FTCDNL1: variants seen among roughly 807,000 people sequenced by gnomAD.
FTCDNL1 encodes the protein formiminotransferase cyclodeaminase N-terminal like.
A neutral mutation model predicts 5.9 loss-of-function variants in FTCDNL1; 11 were observed. That is an observed-to-expected ratio of 1.87 (90% CI 1.18 to 3.10). The LOEUF is 3.10. Among genes scored for constraint, FTCDNL1 ranks in the 30% most tolerant of loss-of-function variants. The probability of loss-of-function intolerance (pLI) is 0.00; values close to 1 mark genes in which losing one functional copy is unlikely to be tolerated. For synonymous variants in FTCDNL1, 58 were observed against 24.8 expected (o/e 2.34, Z -3.99); for missense variants, 115 against 65.5 (o/e 1.76, Z -2.61).
chr2:199,758,002 G>A (rs1282680238), downstream of FTCDNL1, among the ~76,000 whole-genome samples: 1 of 152,090 alleles, frequency 6.6e-6, no homozygotes, highest in Non-Finnish European at 1.5e-5. Flanking sequence ...AAGGGGGCTG[G>A]GGAAGTCTCC....
chr2:199,817,197 T>C (rs1348729492), intron 4 of FTCDNL1, among the ~76,000 whole-genome samples: 1 of 152,250 alleles, frequency 6.6e-6, no homozygotes, highest in Non-Finnish European at 1.5e-5. Context: ...CCTTTTACTA[T>C]TTCCTTAGGA....
At chr2:199,668,149 A>T in the FTCDNL1 span, among the ~76,000 whole-genome samples, 30 of 152,308 alleles carry the variant, frequency 2.0e-4, no homozygotes, top group African/African-American at 6.5e-4. Flanking sequence ...CATTGTATTC[A>T]CAGTGCCAGA....
chr2:199,783,945 GGATTCAA>G (rs1459440959), intron 3 of FTCDNL1, among the ~76,000 whole-genome samples: 1 of 152,050 alleles, frequency 6.6e-6, no homozygotes, highest in African/African-American at 2.4e-5. Flanking sequence ...AGGAATTTGG[GGATTCAA>G]GATTCAAGAT....
At chr2:199,686,631 T>C in the FTCDNL1 span, among the ~76,000 whole-genome samples, 1 of 152,318 alleles carries the variant, frequency 6.6e-6, no homozygotes, top group Admixed American at 6.5e-5. Flanking sequence ...AGTATGCTTT[T>C]GATATACAGA....
the FTCDNL1 span, among the ~76,000 whole-genome samples, chr2:199,700,810 G>T: frequency 6.6e-6 from 1 of 152,134 alleles, no homozygotes; most frequent in East Asian, 1.9e-4. Context: ...TTCAGTAAGT[G>T]GTGCTGGGAT....
the FTCDNL1 span, among the ~76,000 whole-genome samples, chr2:199,718,088 TA>T: frequency 2.3e-4 from 35 of 152,116 alleles, no homozygotes; most frequent in African/African-American, 8.4e-4. Flanking sequence ...TGTATAGATT[TA>T]GGGGTACCAG....
At chr2:199,830,071 T>C (rs377111459) in intron 3 of FTCDNL1, among the ~76,000 whole-genome samples, 1 of 152,062 alleles carries the variant, frequency 6.6e-6, no homozygotes, top group African/African-American at 2.4e-5. Context: ...AATCTAAAAA[T>C]TAAACTGGGT....
chr2:199,736,493 C>T, the FTCDNL1 span, among the ~76,000 whole-genome samples: 7 of 152,194 alleles, frequency 4.6e-5, no homozygotes, highest in African/African-American at 1.7e-4. Flanking sequence ...TCTTCTCAAA[C>T]GCTACCTGCA....
chr2:199,754,818 C>T, the FTCDNL1 span, among the ~76,000 whole-genome samples: 19 of 152,272 alleles, frequency 1.2e-4, no homozygotes, highest in South Asian at 1.2e-3. Flanking sequence ...TAGCTGCTTC[C>T]TTAGTTGCCG....
chr2:199,758,926 CATATTACA>C (rs1698164555), downstream of FTCDNL1, among the ~76,000 whole-genome samples: 1 of 152,070 alleles, frequency 6.6e-6, no homozygotes, highest in Non-Finnish European at 1.5e-5. Context: ...CATGGCTTAC[CATATTACA>C]AAAAATTAAC....
the FTCDNL1 span, among the ~76,000 whole-genome samples, chr2:199,696,384 C>A: frequency 6.6e-6 from 1 of 152,202 alleles, no homozygotes; most frequent in Non-Finnish European, 1.5e-5. Flanking sequence ...CCAGCAACCT[C>A]CCTCCCCCTG....
At chr2:199,758,116 T>C (rs1559163967), downstream of FTCDNL1, among the ~76,000 whole-genome samples, 1 of 152,038 alleles carries the variant, frequency 6.6e-6, no homozygotes, top group Non-Finnish European at 1.5e-5. Context: ...GAAAATAATG[T>C]TTTATTCTGG....
At chr2:199,836,057 A>T (rs888699163) in intron 3 of FTCDNL1, among the ~76,000 whole-genome samples, 5 of 152,182 alleles carry the variant, frequency 3.3e-5, no homozygotes, top group Non-Finnish European at 7.3e-5. Flanking sequence ...TTGGGAAACA[A>T]TTACAAGAAG....
intron 3 of FTCDNL1, among the ~76,000 whole-genome samples, chr2:199,842,946 A>AG (rs1271649891): frequency 1.3e-5 from 2 of 152,064 alleles, no homozygotes; most frequent in Non-Finnish European, 2.9e-5. Flanking sequence ...TACAAAAAAA[A>AG]AAAAAAAACT....
chr2:199,770,749 A>G (rs1369998303), intron 3 of FTCDNL1, among the ~76,000 whole-genome samples: 1 of 152,240 alleles, frequency 6.6e-6, no homozygotes, highest in African/African-American at 2.4e-5. Flanking sequence ...AGATAAATTC[A>G]GGCAAACACA....
At chr2:199,685,438 T>C in the FTCDNL1 span, among the ~76,000 whole-genome samples, 1 of 152,366 alleles carries the variant, frequency 6.6e-6, no homozygotes, top group South Asian at 2.1e-4. Flanking sequence ...TTTCCATCTT[T>C]ACTTCGGACC....
At chr2:199,664,085 T>C in the FTCDNL1 span, among the ~76,000 whole-genome samples, 1 of 151,058 alleles carries the variant, frequency 6.6e-6, no homozygotes, top group Non-Finnish European at 1.5e-5. Flanking sequence ...CCCCAGAGCA[T>C]TAAAAAAAAA....
intron 3 of FTCDNL1, among the ~76,000 whole-genome samples, chr2:199,825,733 G>A (rs1701990593): frequency 6.6e-6 from 1 of 152,160 alleles, no homozygotes; most frequent in African/African-American, 2.4e-5. Context: ...CAGAAGTCCA[G>A]TAGATGCTGG....
At chr2:199,730,751 TA>T in the FTCDNL1 span, among the ~76,000 whole-genome samples, 1 of 152,218 alleles carries the variant, frequency 6.6e-6, no homozygotes, top group Non-Finnish European at 1.5e-5. Flanking sequence ...GGTGGGTGTG[TA>T]AATTAGCTCA....
Sources: allele counts gnomAD v4.1 joint callset (sites outside exome capture counted in the v4.1 genomes callset), GRCh38; gene constraint gnomAD v4.1.1; transcripts MANE v1.5; gene names NCBI Gene and HGNC (gene_info 2026-07-23, HGNC 2026-07-21).